LSAMP: variants seen among roughly 807,000 people sequenced by gnomAD.
LSAMP encodes the protein limbic system-associated membrane protein.
A neutral mutation model predicts 38.6 loss-of-function variants in LSAMP; 7 were observed. That is an observed-to-expected ratio of 0.18 (90% CI 0.10 to 0.34). The LOEUF is 0.34. Among genes scored for constraint, LSAMP ranks in the 10% least tolerant of loss-of-function variants. The pLI, the probability that LSAMP is intolerant of heterozygous loss-of-function variation, is 1.00. For missense variants in LSAMP, 313 were observed against 420.0 expected (o/e 0.75, Z 2.23); for synonymous variants, 154 against 166.8 (o/e 0.92, Z 0.59).
At chr3:115,835,792 A>G (rs1934762955) in intron 6 of LSAMP, among the ~76,000 whole-genome samples, 2 of 152,326 alleles carry the variant, frequency 1.3e-5, no homozygotes, top group East Asian at 3.9e-4. Flanking sequence ...GTTGTCACTT[A>G]AATATGAAAG....
Position 115,941,619 on chromosome 3 carries a change from A to G in LSAMP, c.514+77896T>C, listed in dbSNP as rs192353932. Among the ~76,000 whole-genome samples the G allele has an allele frequency of 4.5e-3, 687 of 152,226 alleles. 7 individuals carry two copies. The highest frequency in any genetic ancestry group is 0.015 in the African/African-American group (635 of 41,548). On this transcript the variant is annotated intron_variant, in intron 3 of 6. Coordinates refer to ENST00000490035, the MANE Select transcript of LSAMP (RefSeq NM_002338.5). ...CACAATAGAATATTATTCAGCTAAT[A>G]AAAAAGAATAACATTCTGCCATTTA...
rs77254080 is a variant in LSAMP at position 115,827,419 on chromosome 3, T to C, written c.919+14426A>G. On this transcript the variant is annotated intron_variant, in intron 6 of 6. Coordinates refer to ENST00000490035, the MANE Select transcript of LSAMP (RefSeq NM_002338.5). ...TTTTAGGCAGTTAAAAAGGTCATAC[T>C]GAGATTCCGAGGTTTAGAAGGTGGG... 1.0e-2 allele frequency among the ~76,000 whole-genome samples: 1,515 copies of C among 151,792 alleles called. 16 individuals are homozygous for C. Among genetic ancestry groups the C allele is most frequent in the Non-Finnish European group, 0.016 (1,069 of 67,932 alleles).
chr3:116,192,954 T>A (rs1293247589), intron 1 of LSAMP, among the ~76,000 whole-genome samples: 2 of 152,178 alleles, frequency 1.3e-5, no homozygotes, highest in African/African-American at 4.8e-5. Context: ...CACCACTTAA[T>A]TAGACAATTT....
chr3:116,226,119 C>T (rs995545463), intron 1 of LSAMP, among the ~76,000 whole-genome samples: 3 of 152,214 alleles, frequency 2.0e-5, no homozygotes, highest in South Asian at 2.1e-4. Context: ...ATTTCTAATT[C>T]TCCCCTGCTG....
intron 3 of LSAMP, among the ~76,000 whole-genome samples, chr3:115,973,567 T>C (rs2107615087): frequency 6.6e-6 from 1 of 152,156 alleles, no homozygotes; most frequent in African/African-American, 2.4e-5. Flanking sequence ...ATGCCGTCTC[T>C]ACTAAAAATA....
At chr3:116,203,071 C>T (rs1220157794) in intron 1 of LSAMP, among the ~76,000 whole-genome samples, 1 of 152,182 alleles carries the variant, frequency 6.6e-6, no homozygotes, top group Non-Finnish European at 1.5e-5. Flanking sequence ...ATATTTTCTA[C>T]AAATAATAAG....
intron 1 of LSAMP, among the ~76,000 whole-genome samples, chr3:116,292,080 CA>C (rs2047274033): frequency 6.6e-6 from 1 of 152,180 alleles, no homozygotes; most frequent in African/African-American, 2.4e-5. Flanking sequence ...ACCTGACTTT[CA>C]GAGCAGTGAG....
chr3:116,295,068 C>T (rs950841809), intron 1 of LSAMP, among the ~76,000 whole-genome samples: 5 of 151,802 alleles, frequency 3.3e-5, no homozygotes, highest in Non-Finnish European at 7.4e-5. Flanking sequence ...GTATGGAACA[C>T]AAAAGATTGA....
intron 3 of LSAMP, among the ~76,000 whole-genome samples, chr3:116,000,970 A>G (rs539951247): frequency 6.6e-6 from 1 of 152,306 alleles, no homozygotes; most frequent in East Asian, 1.9e-4. Context: ...TTTAATTCTG[A>G]AACAGTTATG....
intron 3 of LSAMP, among the ~76,000 whole-genome samples, chr3:116,004,473 C>G (rs191446275): frequency 7.8e-6 from 1 of 127,976 alleles, no homozygotes; most frequent in Non-Finnish European, 1.7e-5. Flanking sequence ...CATACATACA[C>G]TATTATGCAT....
chr3:116,067,192 C>G (rs1707477908), intron 2 of LSAMP, among the ~76,000 whole-genome samples: 1 of 152,102 alleles, frequency 6.6e-6, no homozygotes, highest in Non-Finnish European at 1.5e-5. Flanking sequence ...CCTATGATGC[C>G]TTAGTGTCTG....
intron 6 of LSAMP, among the ~76,000 whole-genome samples, chr3:115,840,720 AT>A (rs528869162): frequency 2.0e-5 from 3 of 152,020 alleles, no homozygotes; most frequent in East Asian, 3.9e-4. Flanking sequence ...ACTTAAATTG[AT>A]TTTTTTTCTA....
chr3:116,381,533 T>G (rs534693926), intron 1 of LSAMP, among the ~76,000 whole-genome samples: 1 of 152,066 alleles, frequency 6.6e-6, no homozygotes, highest in African/African-American at 2.4e-5. Flanking sequence ...TATCTTAAAA[T>G]GACAAGAGAA....
intron 3 of LSAMP, among the ~76,000 whole-genome samples, chr3:115,866,794 C>T (rs865917613): frequency 6.6e-6 from 1 of 152,012 alleles, no homozygotes; most frequent in African/African-American, 2.4e-5. Context: ...GGATAAATTA[C>T]CTCAAAGATA....
At chr3:116,010,335 G>C (rs1031673448) in intron 3 of LSAMP, among the ~76,000 whole-genome samples, 18 of 152,310 alleles carry the variant, frequency 1.2e-4, no homozygotes, top group African/African-American at 4.1e-4. Flanking sequence ...GCTTTAAGCA[G>C]GTTGCAACAG....
chr3:115,978,583 T>C (rs1472358606), intron 3 of LSAMP, among the ~76,000 whole-genome samples: 1 of 152,088 alleles, frequency 6.6e-6, no homozygotes, highest in Non-Finnish European at 1.5e-5. Context: ...AATGCAGTAT[T>C]ATTAGCAGTA....
intron 3 of LSAMP, among the ~76,000 whole-genome samples, chr3:115,895,330 G>C (rs2107468410): frequency 6.6e-6 from 1 of 152,160 alleles, no homozygotes; most frequent in Admixed American, 6.6e-5. Context: ...ACAGGCAAGA[G>C]ACCAAACATT....
chr3:116,126,928 A>G (rs1202201710), intron 1 of LSAMP, among the ~76,000 whole-genome samples: 1 of 152,232 alleles, frequency 6.6e-6, no homozygotes, highest in African/African-American at 2.4e-5. Flanking sequence ...AAATTCTAGT[A>G]CTTGCACATG....
intron 1 of LSAMP, among the ~76,000 whole-genome samples, chr3:116,260,828 G>T (rs78894213): frequency 0.048 from 7,243 of 152,180 alleles, 555 homozygotes; most frequent in African/African-American, 0.16. Context: ...AAGACCTAAA[G>T]TCTAAGGCAG....
Sources: allele counts gnomAD v4.1 joint callset (sites outside exome capture counted in the v4.1 genomes callset), GRCh38; gene constraint gnomAD v4.1.1; transcripts MANE v1.5; gene names NCBI Gene and HGNC (gene_info 2026-07-23, HGNC 2026-07-21).